The following GTF2IRD2B variants were observed in gnomAD, a reference collection of about 807,000 sequenced individuals.
GTF2IRD2B encodes general transcription factor II-I repeat domain-containing protein 2B.
In GTF2IRD2B, 10 loss-of-function variants were observed where a neutral mutation model predicts 55.6. The observed-to-expected ratio is 0.18, with a 90% CI of 0.11 to 0.31. The LOEUF is 0.31. Among genes scored for constraint, GTF2IRD2B ranks in the 10% least tolerant of loss-of-function variants. GTF2IRD2B has a pLI of 1.00. For missense variants in GTF2IRD2B, 206 were observed against 802.7 expected (o/e 0.26, Z 8.98); for synonymous variants, 107 against 320.5 (o/e 0.33, Z 7.12).
intron 12 of GTF2IRD2B, among the ~76,000 whole-genome samples, chr7:75,139,914 G>A (rs1243943570): frequency 1.8e-5 from 2 of 113,060 alleles, no homozygotes; most frequent in African/African-American, 4.4e-5. Context: ...GACCAGGCAT[G>A]GTGGCATGTG....
In GTF2IRD2B at chr7:75,127,018, CAAAAACA is replaced by C. The variant is rs1247735995; in HGVS notation, c.670+639_670+645del. Reference sequence around the variant, plus strand: ...TGTCAAAAAAAAACAAAAACAAAAACAAAAACAAAAAAAACAAAAAAAAGAACCAAGT... The same window carrying C: ...TGTCAAAAAAAAACAAAAACAAAAACAAAAAAACAAAAAAAAGAACCAAGT... On this transcript the variant is annotated intron_variant, in intron 8 of 15. Coordinates refer to ENST00000472837, the MANE Select transcript of GTF2IRD2B (RefSeq NM_001003795.3). Among the ~76,000 whole-genome samples, 28 of 75,042 alleles carry C rather than the reference CAAAAACA, an allele frequency of 3.7e-4. 1 individual carries two copies. The highest frequency in any genetic ancestry group is 8.2e-4 in the African/African-American group (23 of 27,998). 49.2% of individuals were successfully genotyped at this position (75,042 alleles called of 152,430 possible).
chr7:75,130,130 TTTCTTTCTTTCTTTCTTTCC>T (rs1563097531), intron 8 of GTF2IRD2B, among the ~76,000 whole-genome samples: 1 of 110,726 alleles, frequency 9.0e-6, no homozygotes, highest in African/African-American at 3.3e-5. Context: ...TCTTTCTTTC[TTTCTTTCTTTCTTTCTTTCC>T]TTCTTTCTTT....
At chr7:75,101,286 C>G (rs1254292807) in intron 1 of GTF2IRD2B, among the ~76,000 whole-genome samples, 1 of 150,522 alleles carries the variant, frequency 6.6e-6, no homozygotes, top group African/African-American at 2.4e-5. Flanking sequence ...GTGTACAGTT[C>G]AGGCTGTACA....
intron 3 of GTF2IRD2B, among the ~76,000 whole-genome samples, chr7:75,114,700 TC>T (rs1808083258): frequency 6.6e-6 from 1 of 151,744 alleles, no homozygotes; most frequent in Non-Finnish European, 1.5e-5. Context: ...CAGTTTTCTG[TC>T]CCTGCATTAA....
rs1312701335 is a variant in GTF2IRD2B at position 75,148,265 on chromosome 7, C to A, written c.1818C>A (p.Phe606Leu). Reference protein sequence around the residue: ...FLRVEKSLKKFCINWSRLVSV... With the variant: ...FLRVEKSLKKLCINWSRLVSV... ...GTGTTGAGAAGAGCCTGAAAAAGTTCTGTATCAACTGGTCGAGATTAGTAA... is the reference window on the plus strand; with the variant it reads ...GTGTTGAGAAGAGCCTGAAAAAGTTATGTATCAACTGGTCGAGATTAGTAA... The change falls in exon 16 of 16, where the codon TTC (phenylalanine) becomes TTA (leucine). Residue 606 changes from phenylalanine to leucine, a missense_variant. Physicochemically the swap from Phe to Leu is conservative, Grantham distance 22. Transcript: ENST00000472837. 1.2e-6 allele frequency: 2 copies of A among 1,613,844 alleles called. No individual in the cohort carries two copies. The highest frequency in any genetic ancestry group is 1.7e-6 in the Non-Finnish European group (2 of 1,179,856).
At chr7:75,116,640 CTTT>C (rs782017384) in intron 3 of GTF2IRD2B, among the ~76,000 whole-genome samples, 1 of 118,326 alleles carries the variant, frequency 8.5e-6, no homozygotes, top group Non-Finnish European at 1.7e-5. Flanking sequence ...TTTGCCATTT[CTTT>C]TTTTTTTTTT....
At chr7:75,132,540 C>T (rs1808696004) in intron 8 of GTF2IRD2B, among the ~76,000 whole-genome samples, 1 of 140,178 alleles carries the variant, frequency 7.1e-6, no homozygotes, top group Non-Finnish European at 1.5e-5. Context: ...ATCCTCCTCT[C>T]CTTCCTTCTT....
intron 11 of GTF2IRD2B, among the ~76,000 whole-genome samples, chr7:75,137,134 C>T (rs1174246502): frequency 4.7e-5 from 7 of 149,992 alleles, no homozygotes; most frequent in African/African-American, 1.2e-4. Flanking sequence ...ACCTGAGAGG[C>T]GGAGGTTGCA....
intron 6 of GTF2IRD2B, among the ~76,000 whole-genome samples, chr7:75,124,320 A>T (rs587703753): frequency 7.3e-4 from 112 of 152,390 alleles, no homozygotes; most frequent in African/African-American, 2.6e-3. Flanking sequence ...GTGAGCCAAG[A>T]TTGTGCCACC....
chr7:75,121,374 A>G, intron 4 of GTF2IRD2B, among the ~76,000 whole-genome samples: 1 of 150,086 alleles, frequency 6.7e-6, no homozygotes, highest in South Asian at 2.1e-4. Flanking sequence ...GGAGTAGGAC[A>G]GTGTCACAGA....
chr7:75,105,619 G>C (rs1329634158), intron 1 of GTF2IRD2B, among the ~76,000 whole-genome samples: 1 of 152,308 alleles, frequency 6.6e-6, no homozygotes, highest in Non-Finnish European at 1.5e-5. Flanking sequence ...ATAACAATTT[G>C]CATCCTACTG....
At chr7:75,102,873 T>C (rs1807623500) in intron 1 of GTF2IRD2B, among the ~76,000 whole-genome samples, 3 of 151,476 alleles carry the variant, frequency 2.0e-5, no homozygotes, top group African/African-American at 7.2e-5. Flanking sequence ...GCAGAAGAAC[T>C]GCTTGAACCC....
At chr7:75,127,488 A>T (rs1274589144) in intron 8 of GTF2IRD2B, among the ~76,000 whole-genome samples, 1 of 149,228 alleles carries the variant, frequency 6.7e-6, no homozygotes, top group Non-Finnish European at 1.5e-5. Context: ...AAAAAAAAAA[A>T]AAAAGAGAGA....
chr7:75,148,039 G>T lies in GTF2IRD2B; in HGVS notation c.1592G>T (p.Gly531Val). The T allele has an allele frequency of 2.1e-6, 3 of 1,418,914 alleles. No homozygotes were observed. 87.9% of individuals were successfully genotyped at this position (1,418,914 alleles called of 1,614,324 possible). The change falls in exon 16 of 16, where the codon GGG becomes GTG. Residue 531 changes from glycine to valine, a missense_variant. Coordinates refer to ENST00000472837, the MANE Select transcript of GTF2IRD2B (RefSeq NM_001003795.3). ...SPVQPVEDLA[G>V]NLWEKLREKI... ...GTGCAGCCTGTAGAGGACCTAGCTG[G>T]GAACTTATGGGAGAAGTTACGTGAA... is the stretch of plus-strand genomic sequence containing the variant.
rs1450759858 is a variant in GTF2IRD2B, at chr7:75,108,443, C to CA, written c.-5-507dup. 4.0e-4 allele frequency among the ~76,000 whole-genome samples: 4 copies of CA among 9,936 alleles called. 1 individual carries two copies. The highest frequency in any genetic ancestry group is 4.2e-4 in the Non-Finnish European group (2 of 4,722). The allele number at this position is 9,936 out of a possible 152,430, so 6.5% of individuals were successfully genotyped here. The stretch of plus-strand genomic sequence containing the variant: ...GGGTAACAAGAGTGAAACTCAGTCT[C>CA]AAAAAAAAAAGAAAGAAAGAAAGAG... On this transcript the variant is annotated intron_variant, in intron 1 of 15. Coordinates refer to ENST00000472837, the MANE Select transcript of GTF2IRD2B (RefSeq NM_001003795.3).
intron 4 of GTF2IRD2B, among the ~76,000 whole-genome samples, chr7:75,121,425 C>T (rs1261466569): frequency 2.0e-5 from 3 of 151,036 alleles, no homozygotes; most frequent in East Asian, 3.9e-4. Context: ...TTGAACATTT[C>T]AAAACCCATA....
At chr7:75,117,394 G>A (rs1453833730) in intron 3 of GTF2IRD2B, among the ~76,000 whole-genome samples, 1 of 152,276 alleles carries the variant, frequency 6.6e-6, no homozygotes, top group Non-Finnish European at 1.5e-5. Flanking sequence ...ACTCGGGAGG[G>A]AGAGGCAGGA....
At chr7:75,117,774 T>A (rs1808215359) in intron 3 of GTF2IRD2B, among the ~76,000 whole-genome samples, 1 of 152,294 alleles carries the variant, frequency 6.6e-6, no homozygotes, top group Non-Finnish European at 1.5e-5. Context: ...TTTTCTTTTT[T>A]ATTATTATTT....
intron 3 of GTF2IRD2B, among the ~76,000 whole-genome samples, chr7:75,113,807 T>TGTGC (rs1808047031): frequency 7.2e-6 from 1 of 138,372 alleles, no homozygotes. Context: ...TGTGTGTGTG[T>TGTGC]GTGTGTGTGT....
Sources: gnomAD v4.1 joint callset for allele counts (sites outside exome capture counted in the v4.1 genomes callset) on GRCh38, gnomAD v4.1.1 for gene constraint, MANE v1.5 for transcripts, NCBI Gene and HGNC (gene_info 2026-07-23, HGNC 2026-07-21) for gene names.